The following ARHGAP22 variants were observed in gnomAD, a reference collection of about 807,000 sequenced individuals.
ARHGAP22 encodes the protein Rho GTPase activating protein 22.
In ARHGAP22, 48 loss-of-function variants were observed where a neutral mutation model predicts 59.1. That is an observed-to-expected ratio of 0.81 (90% CI 0.64 to 1.03). The LOEUF is 1.03. Among genes scored for constraint, ARHGAP22 ranks in the 50% least tolerant of loss-of-function variants. The probability of loss-of-function intolerance (pLI) is 0.00; values close to 1 mark genes in which losing one functional copy is unlikely to be tolerated. For missense variants in ARHGAP22, 1,015 were observed against 958.7 expected, an observed-to-expected ratio of 1.06 and a Z score of -0.78; for synonymous variants, 445 against 416.4, an observed-to-expected ratio of 1.07 and a Z score of -0.84.
chr10:48,475,706 C>T (rs144163907), intron 4 of ARHGAP22, among the ~76,000 whole-genome samples: 2 of 152,340 alleles, frequency 1.3e-5, no homozygotes, highest in East Asian at 3.9e-4. Context: ...GGCCAGGCCA[C>T]CCTCACCTCT....
the ARHGAP22 span, chr10:48,435,219 C>T: frequency 4.3e-6 from 2 of 465,176 alleles, no homozygotes; most frequent in Admixed American, 4.0e-5. Flanking sequence ...TGTTTCAAAA[C>T]AGCAACAAAA....
intron 1 of ARHGAP22, among the ~76,000 whole-genome samples, chr10:48,648,778 G>A (rs567110030): frequency 1.3e-5 from 2 of 152,290 alleles, no homozygotes; most frequent in East Asian, 3.9e-4. Flanking sequence ...GCAGCGGGGT[G>A]GGGGAGCGTG....
chr10:48,453,837 G>A (rs1230168258), intron 7 of ARHGAP22, among the ~76,000 whole-genome samples: 6 of 152,166 alleles, frequency 3.9e-5, no homozygotes, highest in African/African-American at 1.2e-4. Flanking sequence ...AGGGACAGAG[G>A]GTATGTCCCT....
chr10:48,503,753 G>A (rs1275954576), intron 3 of ARHGAP22, among the ~76,000 whole-genome samples: 2 of 152,254 alleles, frequency 1.3e-5, no homozygotes, highest in African/African-American at 4.8e-5. Flanking sequence ...CACCTACCTG[G>A]AGTGCCCCTT....
chr10:48,566,794 A>C (rs1231347516), intron 2 of ARHGAP22, among the ~76,000 whole-genome samples: 1 of 152,196 alleles, frequency 6.6e-6, no homozygotes. Flanking sequence ...TGCAGAGAGC[A>C]GGGGCTTTGA....
intron 3 of ARHGAP22, among the ~76,000 whole-genome samples, chr10:48,536,888 C>CAAAT (rs2055409006): frequency 6.6e-6 from 1 of 152,070 alleles, no homozygotes; most frequent in African/African-American, 2.4e-5. Context: ...GCTCTTTGTG[C>CAAAT]AAATTAGTCC....
intron 3 of ARHGAP22, among the ~76,000 whole-genome samples, chr10:48,518,157 T>C (rs75270863): frequency 0.013 from 2,045 of 152,212 alleles, 52 homozygotes; most frequent in African/African-American, 0.047. Context: ...GCCTCAAGGT[T>C]CAGTCTCCTG....
intron 1 of ARHGAP22, among the ~76,000 whole-genome samples, chr10:48,641,433 G>T (rs2062040742): frequency 6.6e-6 from 1 of 152,112 alleles, no homozygotes; most frequent in Admixed American, 6.6e-5. Flanking sequence ...ATGCAAGGCT[G>T]GTTCAACATA....
intron 3 of ARHGAP22, among the ~76,000 whole-genome samples, chr10:48,505,702 T>G (rs2052041232): frequency 6.6e-6 from 1 of 152,080 alleles, no homozygotes; most frequent in Non-Finnish European, 1.5e-5. Context: ...TTTGCCTCCC[T>G]AGAGGTGTGT....
chr10:48,652,647 C>G (rs2062612004), upstream of ARHGAP22: 1 of 248,206 alleles, frequency 4.0e-6, no homozygotes. Flanking sequence ...GCAAAGCCCT[C>G]AGCACACATC....
chr10:48,596,180 G>A (rs1021163633), intron 1 of ARHGAP22, among the ~76,000 whole-genome samples: 4 of 152,222 alleles, frequency 2.6e-5, no homozygotes, highest in Admixed American at 6.5e-5. Flanking sequence ...GGAGACACCC[G>A]AAGTGTTTGC....
chr10:48,453,193 C>A (rs537995651), intron 8 of ARHGAP22, 111 bp downstream of exon 8: 3 of 1,486,002 alleles, frequency 2.0e-6, no homozygotes, highest in South Asian at 1.2e-5. Context: ...CCTGAGCCAC[C>A]CCTCCTGCTG....
intron 3 of ARHGAP22, among the ~76,000 whole-genome samples, chr10:48,553,021 T>C (rs1433801606): frequency 6.6e-6 from 1 of 152,218 alleles, no homozygotes; most frequent in Non-Finnish European, 1.5e-5. Context: ...CTTTGCCAGC[T>C]GCAGCCAGAA....
intron 3 of ARHGAP22, among the ~76,000 whole-genome samples, chr10:48,529,157 G>A (rs1328974366): frequency 2.0e-5 from 3 of 152,170 alleles, no homozygotes; most frequent in African/African-American, 7.2e-5. Context: ...TGGCTAGCCT[G>A]GTGGCTAGAG....
At chr10:48,644,848 T>C (rs998111011) in intron 1 of ARHGAP22, among the ~76,000 whole-genome samples, 2 of 151,990 alleles carry the variant, frequency 1.3e-5, no homozygotes, top group Non-Finnish European at 2.9e-5. Context: ...TAAGCTTTCA[T>C]GTTAAGAAAC....
chr10:48,508,645 C>A (rs959491220), intron 3 of ARHGAP22, among the ~76,000 whole-genome samples: 1 of 152,254 alleles, frequency 6.6e-6, no homozygotes, highest in East Asian at 1.9e-4. Flanking sequence ...GATGGGCCCA[C>A]TGCCAGGAGC....
intron 2 of ARHGAP22, among the ~76,000 whole-genome samples, chr10:48,560,861 A>G (rs2057641918): frequency 6.6e-6 from 1 of 152,096 alleles, no homozygotes; most frequent in Admixed American, 6.6e-5. Context: ...CTTTGTCATT[A>G]TGTATTTTCT....
intron 3 of ARHGAP22, among the ~76,000 whole-genome samples, chr10:48,486,363 G>A (rs1564747146): frequency 6.6e-6 from 1 of 151,042 alleles, no homozygotes; most frequent in African/African-American, 2.4e-5. Context: ...TTTGAGACAG[G>A]GTCTTGCTCT....
intron 3 of ARHGAP22, among the ~76,000 whole-genome samples, chr10:48,513,071 C>T (rs920622313): frequency 2.6e-5 from 4 of 152,144 alleles, no homozygotes; most frequent in African/African-American, 9.7e-5. Context: ...ATCCCCCGTG[C>T]TTCCACAGAC....
Sources: allele counts gnomAD v4.1 joint callset (sites outside exome capture counted in the v4.1 genomes callset), GRCh38; gene constraint gnomAD v4.1.1; transcripts MANE v1.5; gene names NCBI Gene and HGNC (gene_info 2026-07-23, HGNC 2026-07-21).